Variants in SORCS3 observed in about 807,000 individuals in gnomAD.
SORCS3 encodes VPS10 domain-containing receptor SorCS3.
Under a neutral mutation model 146.3 loss-of-function variants are expected in SORCS3, and 57 were observed. The observed-to-expected ratio is 0.39, with a 90% confidence interval of 0.31 to 0.49. The LOEUF is 0.49. SORCS3 is among the 20% of genes least tolerant of loss of function. The pLI is 0.92. For synonymous variants in SORCS3, 653 were observed against 618.5 expected, an observed-to-expected ratio of 1.06 and a Z score of -0.83; for missense variants, 1,341 against 1,575.5, an observed-to-expected ratio of 0.85 and a Z score of 2.52.
At chr10:104,643,804 T>C (rs2015459486) in intron 1 of SORCS3, among the ~76,000 whole-genome samples, 1 of 151,820 alleles carries the variant, frequency 6.6e-6, no homozygotes, top group Non-Finnish European at 1.5e-5. Context: ...GAAGTAAATA[T>C]ATCCTAGGAA....
intron 4 of SORCS3, among the ~76,000 whole-genome samples, chr10:105,023,056 C>T (rs1394681085): frequency 1.3e-5 from 2 of 152,176 alleles, no homozygotes; most frequent in Non-Finnish European, 2.9e-5. Context: ...ACCTTTTCCA[C>T]TACCTGCCTC....
Position 104,689,702 on chromosome 10 carries a change from C to T in SORCS3, c.627+47748C>T, listed in dbSNP as rs187890939. Among the ~76,000 whole-genome samples the T allele has an allele frequency of 3.3e-5, 5 of 152,222 alleles. No individual in the cohort carries two copies. The East Asian group carries it at 5.8e-4, about 18-fold the overall frequency. ...GTCAGTCTTCACCACTGGATGATAA[C>T]ATCTTGCAGGGCAGGTGGCTTATCA... On this transcript the variant is annotated intron_variant, in intron 1 of 26. Coordinates refer to ENST00000369701, the MANE Select transcript of SORCS3 (RefSeq NM_014978.3).
At chr10:104,923,925 A>G (rs887947188) in intron 3 of SORCS3, among the ~76,000 whole-genome samples, 2 of 152,210 alleles carry the variant, frequency 1.3e-5, no homozygotes, top group Non-Finnish European at 2.9e-5. Flanking sequence ...GAGTTTTTTG[A>G]GAGTTTGCTA....
At chr10:104,782,414 G>A (rs796602092) in intron 1 of SORCS3, among the ~76,000 whole-genome samples, 5 of 152,236 alleles carry the variant, frequency 3.3e-5, no homozygotes, top group African/African-American at 1.2e-4. Flanking sequence ...CCTAGAGCAG[G>A]CTTCCCTGAG....
At chr10:104,928,728 GT>G (rs1452097697) in intron 3 of SORCS3, among the ~76,000 whole-genome samples, 1 of 152,156 alleles carries the variant, frequency 6.6e-6, no homozygotes, top group Non-Finnish European at 1.5e-5. Flanking sequence ...TCAGGGGTGG[GT>G]TTGAAGCCAG....
intron 1 of SORCS3, among the ~76,000 whole-genome samples, chr10:104,769,645 T>C (rs2017224404): frequency 6.6e-6 from 1 of 152,118 alleles, no homozygotes; most frequent in African/African-American, 2.4e-5. Context: ...CACCAAGAAT[T>C]AATGCCCAGC....
At chr10:104,853,789 A>G (rs2018299732) in intron 2 of SORCS3, among the ~76,000 whole-genome samples, 1 of 152,202 alleles carries the variant, frequency 6.6e-6, no homozygotes, top group Non-Finnish European at 1.5e-5. Flanking sequence ...ATGCTTCCTG[A>G]TGGATTCTAG....
chr10:104,741,597 T>TGG, intron 1 of SORCS3, among the ~76,000 whole-genome samples: 2 of 151,252 alleles, frequency 1.3e-5, no homozygotes, highest in Non-Finnish European at 2.9e-5. Flanking sequence ...TCCCTGATGC[T>TGG]CTTTTTTTTT....
intron 7 of SORCS3, among the ~76,000 whole-genome samples, chr10:105,129,331 C>CTCTCTCTCTCTTTTTT (rs1172062304): frequency 9.6e-6 from 1 of 104,616 alleles, no homozygotes; most frequent in African/African-American, 3.9e-5. Context: ...CTTTCTTTCT[C>CTCTCTCTCTCTTTTTT]TTTTTTTTTT....
At chr10:104,715,170 G>A (rs1214756417) in intron 1 of SORCS3, among the ~76,000 whole-genome samples, 1 of 152,174 alleles carries the variant, frequency 6.6e-6, no homozygotes, top group Non-Finnish European at 1.5e-5. Flanking sequence ...GGGTGTGTCT[G>A]TGAGGGTGTT....
At chr10:105,165,520 A>G (rs2056305093) in intron 12 of SORCS3, among the ~76,000 whole-genome samples, 1 of 152,138 alleles carries the variant, frequency 6.6e-6, no homozygotes, top group African/African-American at 2.4e-5. Flanking sequence ...AAAATTAACA[A>G]GTACTTACGA....
At chr10:104,649,643 C>T (rs953747853) in intron 1 of SORCS3, among the ~76,000 whole-genome samples, 1 of 152,122 alleles carries the variant, frequency 6.6e-6, no homozygotes, top group Non-Finnish European at 1.5e-5. Context: ...GAGTCTTTGC[C>T]ATGTCTATCT....
At chr10:104,727,240 A>T (rs1267409474) in intron 1 of SORCS3, among the ~76,000 whole-genome samples, 1 of 152,190 alleles carries the variant, frequency 6.6e-6, no homozygotes, top group African/African-American at 2.4e-5. Context: ...GTAATGAGAG[A>T]ATGTATTGTA....
Position 104,823,561 on chromosome 10 carries a change from C to CT in SORCS3, c.628-19227dup, listed in dbSNP as rs369153567. Among the ~76,000 whole-genome samples the CT allele has an allele frequency of 5.8e-3, 876 of 152,214 alleles. 12 individuals are homozygous for CT. The highest frequency in any genetic ancestry group is 0.016 in the African/African-American group (663 of 41,544). ...AGTATCCTTCTCACTAGGCTTTCTGCTTTTCATCTTCACTGATCCACCCTT... is the reference window on the plus strand; with the variant it reads ...AGTATCCTTCTCACTAGGCTTTCTGCTTTTTCATCTTCACTGATCCACCCTT... On this transcript the variant is annotated intron_variant, in intron 1 of 26. Coordinates refer to ENST00000369701, the MANE Select transcript of SORCS3 (RefSeq NM_014978.3).
At chr10:104,933,314 T>TC (rs61059415) in intron 3 of SORCS3, among the ~76,000 whole-genome samples, 24 of 152,112 alleles carry the variant, frequency 1.6e-4, no homozygotes, top group African/African-American at 5.8e-4. Context: ...CTATTTTTTT[T>TC]TTTTTTATAA....
At chr10:104,779,209 C>A (rs536178934) in intron 1 of SORCS3, among the ~76,000 whole-genome samples, 1 of 152,318 alleles carries the variant, frequency 6.6e-6, no homozygotes, top group South Asian at 2.1e-4. Context: ...TAGTTCTCTG[C>A]AAGACCCATT....
intron 1 of SORCS3, among the ~76,000 whole-genome samples, chr10:104,832,197 A>G (rs890088525): frequency 2.6e-5 from 4 of 152,228 alleles, no homozygotes; most frequent in African/African-American, 9.6e-5. Context: ...CTTGTACTTC[A>G]GGACTTGAAG....
chr10:105,052,945 C>T (rs1485283185), intron 5 of SORCS3, among the ~76,000 whole-genome samples: 1 of 152,100 alleles, frequency 6.6e-6, no homozygotes, highest in Non-Finnish European at 1.5e-5. Flanking sequence ...AAACAAAATA[C>T]CACAGACTGG....
At chr10:104,737,581 T>C (rs2133457472) in intron 1 of SORCS3, among the ~76,000 whole-genome samples, 1 of 152,316 alleles carries the variant, frequency 6.6e-6, no homozygotes, top group South Asian at 2.1e-4. Flanking sequence ...TGTCTTCTTT[T>C]GAGAAGTGTC....
Sources: allele counts gnomAD v4.1 joint callset (sites outside exome capture counted in the v4.1 genomes callset), GRCh38; gene constraint gnomAD v4.1.1; transcripts MANE v1.5; gene names NCBI Gene and HGNC (gene_info 2026-07-23, HGNC 2026-07-21).